RPTOR: variants seen among roughly 807,000 people sequenced by gnomAD.
RPTOR encodes regulatory associated protein of MTOR complex 1.
In RPTOR, 21 loss-of-function variants were observed where a neutral mutation model predicts 169.9. The observed-to-expected ratio is 0.12, with a 90% CI of 0.09 to 0.18. The LOEUF (loss-of-function observed/expected upper bound fraction) is 0.18. Ranked by LOEUF, RPTOR falls within the 10% of genes least tolerant of loss-of-function variation. The pLI is 1.00. For synonymous variants in RPTOR, 732 were observed against 753.2 expected (o/e 0.97, Z 0.46); for missense variants, 1,133 against 1,855.9 (o/e 0.61, Z 7.16).
chr17:80,608,844 C>T (rs528488693), intron 1 of RPTOR, among the ~76,000 whole-genome samples: 2 of 152,344 alleles, frequency 1.3e-5, no homozygotes, highest in South Asian at 4.1e-4. Flanking sequence ...ACAGGTGCTT[C>T]TGCGCGTGGT....
chr17:80,634,127 T>C (rs930414128), intron 2 of RPTOR, among the ~76,000 whole-genome samples: 42 of 151,724 alleles, frequency 2.8e-4, no homozygotes, highest in African/African-American at 9.7e-4. Flanking sequence ...ACTGTGTGTG[T>C]GTGTGCATAC....
rs1262217039 is a variant in RPTOR at position 80,936,366 on chromosome 17, AG to A, written c.2920-4129del. 6.6e-6 allele frequency among the ~76,000 whole-genome samples: 1 copy of A among 152,264 alleles called. No individual in the cohort carries two copies. Among genetic ancestry groups the A allele is most frequent in the African/African-American group, 2.4e-5 (1 of 41,468 alleles). ...CTACTCCTGGATATTCACCAAGAGA[AG>A]TGAAAACATGTTCATTCAGAAACCT... On this transcript the variant is annotated intron_variant, in intron 24 of 33. Coordinates refer to ENST00000306801, the MANE Select transcript of RPTOR (RefSeq NM_020761.3). The surrounding 1 kb of genome is among the most constrained non-coding windows in gnomAD (Gnocchi z 4.1).
intron 1 of RPTOR, among the ~76,000 whole-genome samples, chr17:80,604,300 T>C (rs1371016999): frequency 6.6e-6 from 1 of 152,258 alleles, no homozygotes; most frequent in Non-Finnish European, 1.5e-5. Context: ...TCTGAGCTTA[T>C]GTGCTGTGCA....
At chr17:80,577,415 C>G (rs1207008818) in intron 1 of RPTOR, among the ~76,000 whole-genome samples, 1 of 152,016 alleles carries the variant, frequency 6.6e-6, no homozygotes, top group Non-Finnish European at 1.5e-5. Context: ...CAGCTGGGAC[C>G]TACAGGTGCA....
chr17:80,602,624 C>G (rs1394985640), intron 1 of RPTOR: 1 of 647,656 alleles, frequency 1.5e-6, no homozygotes, highest in Non-Finnish European at 2.9e-6. Context: ...AAGTATAGAA[C>G]TTATTTGGTG....
chr17:80,961,806 C>T (rs1041945250), intron 31 of RPTOR: 38 of 328,116 alleles, frequency 1.2e-4, no homozygotes, highest in African/African-American at 2.1e-5. Context: ...GGCGCGTCTG[C>T]CAGGCACGTG....
At position 80,957,566 on chromosome 17, in the gene RPTOR, A is replaced by AT; in HGVS notation, c.3371-58_3371-57insT. 6.5e-7 allele frequency: 1 copy of AT among 1,532,856 alleles called. No individual in the cohort carries two copies. The highest frequency in any genetic ancestry group is 9.0e-7 in the Non-Finnish European group (1 of 1,106,776). 95.0% of individuals were successfully genotyped at this position (1,532,856 alleles called of 1,614,324 possible). Reference sequence around the variant, plus strand: ...AAATTGCTGCCCAGAGCAGGCCCCAAAGCCTGCCCAAGGCAAGGGCCCATG... The same window carrying AT: ...AAATTGCTGCCCAGAGCAGGCCCCAATAGCCTGCCCAAGGCAAGGGCCCATG... On this transcript the variant is annotated intron_variant, in intron 28 of 33. Transcript: ENST00000306801. This position sits in a 1 kb window ranked among gnomAD's most constrained non-coding sequence, Gnocchi z 4.6.
In RPTOR at chr17:80,892,877, C is replaced by A. The variant is rs1182348364; in HGVS notation, c.2242+8C>A. 2.5e-6 allele frequency: 4 copies of A among 1,612,732 alleles called. No individual in the cohort carries two copies. The highest frequency in any genetic ancestry group is 3.4e-6 in the Non-Finnish European group (4 of 1,179,478). ...TGAGTTTGACAGAGGAATGTAAGATCCTGGAAATCGGGTTATTGGATTGGG... is the reference window on the plus strand; with the variant it reads ...TGAGTTTGACAGAGGAATGTAAGATACTGGAAATCGGGTTATTGGATTGGG... On this transcript the variant is annotated splice_region_variant and intron_variant, in intron 19 of 33. Coordinates refer to ENST00000306801, the MANE Select transcript of RPTOR (RefSeq NM_020761.3).
At chr17:80,805,718 A>T (rs748655799) in intron 7 of RPTOR, 1 of 152,220 alleles carries the variant, frequency 6.6e-6, no homozygotes. Flanking sequence ...CAACATGTTG[A>T]ATAAGAAAAT....
At chr17:80,898,683 GCCGCCCCGACTCCCC>G (rs1458004617) in intron 20 of RPTOR, among the ~76,000 whole-genome samples, 40 of 13,078 alleles carry the variant, frequency 3.1e-3, no homozygotes, top group African/African-American at 0.01. Context: ...CCCACCCCCC[GCCGCCCCGACTCCCC>G]CCGCCCCGGC....
chr17:80,755,962 A>C (rs949815758), intron 6 of RPTOR, among the ~76,000 whole-genome samples: 2 of 152,200 alleles, frequency 1.3e-5, no homozygotes, highest in African/African-American at 4.8e-5. Flanking sequence ...CGCAGAGAGA[A>C]AGCTGAACCA....
intron 2 of RPTOR, among the ~76,000 whole-genome samples, chr17:80,640,651 G>A (rs2065546106): frequency 6.6e-6 from 1 of 152,184 alleles, no homozygotes; most frequent in Admixed American, 6.5e-5. Context: ...CTCTACTAAC[G>A]AGGGCCGCCA....
chr17:80,854,028 G>T (rs1405844209), intron 11 of RPTOR, among the ~76,000 whole-genome samples: 2 of 151,720 alleles, frequency 1.3e-5, no homozygotes, highest in Non-Finnish European at 2.9e-5. Context: ...AAAAGTATGT[G>T]CAAAACCTCT....
At chr17:80,799,865 A>T (rs7224354) in intron 7 of RPTOR, among the ~76,000 whole-genome samples, 33,235 of 151,910 alleles carry the variant, frequency 0.22, 3,952 homozygotes, top group African/African-American at 0.31. Context: ...ACATAACGTG[A>T]CAGATGGGCA....
chr17:80,906,281 G>A (rs929075972), intron 20 of RPTOR, among the ~76,000 whole-genome samples: 4 of 152,224 alleles, frequency 2.6e-5, no homozygotes, highest in East Asian at 1.9e-4. Context: ...CCTAGGAGCC[G>A]GCTCCGCTGG....
intron 20 of RPTOR, among the ~76,000 whole-genome samples, chr17:80,906,268 G>A (rs958632723): frequency 3.9e-5 from 6 of 152,144 alleles, no homozygotes; most frequent in Non-Finnish European, 8.8e-5. Context: ...GCACGGAGCA[G>A]TTCCTAGGAG....
chr17:80,913,237 A>G (rs1472409275), intron 21 of RPTOR, among the ~76,000 whole-genome samples: 1 of 152,194 alleles, frequency 6.6e-6, no homozygotes, highest in Non-Finnish European at 1.5e-5. Flanking sequence ...TTTGTTCATC[A>G]GAGTCTAAAA....
At chr17:80,905,182 T>C (rs1024183494) in intron 20 of RPTOR, among the ~76,000 whole-genome samples, 2 of 31,532 alleles carry the variant, frequency 6.3e-5, no homozygotes, top group South Asian at 1.3e-3. Flanking sequence ...CTCTCTTGTT[T>C]TTTTTTTTAT....
chr17:80,772,319 C>T (rs545713702), intron 6 of RPTOR, among the ~76,000 whole-genome samples: 8 of 152,284 alleles, frequency 5.3e-5, no homozygotes, highest in African/African-American at 1.7e-4. Context: ...CAGAAGACCT[C>T]GATGTTTTGG....
Sources: gnomAD v4.1 joint callset for allele counts (sites outside exome capture counted in the v4.1 genomes callset) on GRCh38, gnomAD v4.1.1 for gene constraint, Gnocchi (gnomAD v3.1) non-coding constraint, MANE v1.5 for transcripts, NCBI Gene and HGNC (gene_info 2026-07-23, HGNC 2026-07-21) for gene names.